SUCO: variants seen among roughly 807,000 people sequenced by gnomAD.
The protein encoded by SUCO is SUN domain-containing ossification factor.
SUCO carries 57 observed loss-of-function variants against 148.1 expected under a neutral mutation model. That is an observed-to-expected ratio of 0.38 (90% confidence interval 0.31 to 0.48). The LOEUF is 0.48. Among genes scored for constraint, SUCO ranks in the 20% least tolerant of loss-of-function variants. SUCO has a pLI of 0.96. For synonymous variants in SUCO, 470 were observed against 502.7 expected (o/e 0.93, Z 0.87); for missense variants, 1,331 against 1,468.2 (o/e 0.91, Z 1.53).
chr1:172,558,802 G>A (rs1256707388), intron 6 of SUCO, among the ~76,000 whole-genome samples: 3 of 152,124 alleles, frequency 2.0e-5, no homozygotes, highest in East Asian at 1.9e-4. Flanking sequence ...CATCTTTGAA[G>A]GTATTTATAA....
chr1:172,562,257 A>G (rs1259456462), intron 6 of SUCO, among the ~76,000 whole-genome samples: 2 of 152,150 alleles, frequency 1.3e-5, no homozygotes, highest in Non-Finnish European at 2.9e-5. Context: ...AAAAGAATAG[A>G]TTACAAGATT....
rs41264548 is a variant in SUCO, at chr1:172,589,450, C to A, written c.2349C>A (p.Ser783Arg). The A allele has an allele frequency of 6.2e-7, 1 of 1,611,956 alleles. No individual in the cohort carries two copies. The highest frequency in any genetic ancestry group is 8.5e-7 in the Non-Finnish European group (1 of 1,179,338). The change falls in exon 18 of 24, where the codon AGC becomes AGA. Residue 783 changes from serine to arginine, a missense_variant. Around this residue, in one of 3 missense-constraint regions of SUCO, gnomAD observed 992 missense variants for 1,093.5 expected, o/e 0.91. Transcript: ENST00000263688. Reference protein sequence around the residue: ...IDNETEQKSESFSSIEKPSIT... With the variant: ...IDNETEQKSERFSSIEKPSIT... ...ATGAAACAGAACAAAAGTCTGAGAGCTTTAGTTCTATAGAGAAACCATCTA... is the reference window on the plus strand; with the variant it reads ...ATGAAACAGAACAAAAGTCTGAGAGATTTAGTTCTATAGAGAAACCATCTA...
intron 15 of SUCO, 99 bp from the exon 16 acceptor site, chr1:172,584,919 T>C: frequency 1.4e-6 from 1 of 739,064 alleles, no homozygotes; most frequent in Admixed American, 3.2e-5. Context: ...AGTCAAAAAA[T>C]GCAAAAGATC....
At chr1:172,573,845 T>C (rs1655226222) in intron 9 of SUCO, 46 bp from the exon 10 acceptor site, 1 of 1,044,984 alleles carries the variant, frequency 9.6e-7, no homozygotes. Flanking sequence ...TAATATGAAC[T>C]GTTATTTTGA....
intron 9 of SUCO, among the ~76,000 whole-genome samples, chr1:172,572,398 A>G (rs949990939): frequency 6.6e-6 from 1 of 151,648 alleles, no homozygotes; most frequent in African/African-American, 2.4e-5. Context: ...CGGTGACCCT[A>G]CCCCCAACCC....
intron 19 of SUCO, among the ~76,000 whole-genome samples, chr1:172,596,027 T>A (rs1657070798): frequency 6.6e-6 from 1 of 152,222 alleles, no homozygotes; most frequent in Non-Finnish European, 1.5e-5. Context: ...TTTCGTTCAT[T>A]TGATCTTCAA....
chr1:172,608,570 T>C (rs1214438009), intron 22 of SUCO, 177 bp from the exon 23 acceptor site: 9 of 616,186 alleles, frequency 1.5e-5, no homozygotes, highest in Non-Finnish European at 2.6e-5. Context: ...CCTTGCCTCT[T>C]TTTGCTTACT....
chr1:172,536,679 T>C (rs1250717030), intron 1 of SUCO, among the ~76,000 whole-genome samples: 1 of 152,190 alleles, frequency 6.6e-6, no homozygotes, highest in Non-Finnish European at 1.5e-5. Flanking sequence ...ACACATTTAT[T>C]ACCTTACAAT....
Position 172,602,763 on chromosome 1 carries a change from T to C in SUCO, c.3241T>C (p.Ser1081Pro), listed in dbSNP as rs1657613494. 6.2e-7 allele frequency: 1 copy of C among 1,612,900 alleles called. No individual in the cohort carries two copies. Among genetic ancestry groups the C allele is most frequent in the Non-Finnish European group, 8.5e-7 (1 of 1,179,504 alleles). Residue 1081 changes from serine to proline, a missense_variant, in exon 22 of 24, where the codon TCT (serine) becomes CCT (proline). Coordinates refer to ENST00000263688, the MANE Select transcript of SUCO (RefSeq NM_014283.5). ...RTSFPLMRSK[S>P]LQLTGKEVDP... ...TTCATTCCCACTCATGAGATCCAAG[T>C]CTCTACAGTTAACTGGCAAAGAAGG...
intron 1 of SUCO, among the ~76,000 whole-genome samples, chr1:172,549,339 T>TTC (rs1284154967): frequency 6.6e-6 from 1 of 151,832 alleles, no homozygotes; most frequent in Non-Finnish European, 1.5e-5. Context: ...TGCAGACTCC[T>TTC]TCTTTGCAAT....
chr1:172,573,979 C>G lies in SUCO; in HGVS notation c.1138C>G (p.Leu380Val), dbSNP rs779394105. 6.3e-7 allele frequency: 1 copy of G among 1,580,854 alleles called. No homozygotes were observed. The highest frequency in any genetic ancestry group is 1.1e-5 in the South Asian group (1 of 89,700). ...ATTTTCTTCTACTCCTAAAGATTTT[C>G]TGGTTTCTATCAGTGACAGGTAAAT... ...ELFSSTPKDF[L>V]VSISDRYPTN... is the part of the protein sequence containing the mutation. Residue 380 changes from leucine (L) to valine (V), a missense_variant, in exon 10 of 24, where the codon CTG (leucine) becomes GTG (valine). By Grantham distance (32) the Leu-to-Val change is conservative. This residue lies in a region of SUCO where 992 missense variants were observed against 1,093.5 expected (regional missense o/e 0.91). Transcript: ENST00000263688.
intron 1 of SUCO, among the ~76,000 whole-genome samples, chr1:172,533,719 G>GA (rs1491312590): frequency 1.3e-5 from 2 of 152,148 alleles, no homozygotes; most frequent in Non-Finnish European, 2.9e-5. Context: ...GACTCAGTGG[G>GA]AGAGAGAGAG....
chr1:172,568,630 T>C (rs1402050942), intron 6 of SUCO, among the ~76,000 whole-genome samples: 8 of 152,192 alleles, frequency 5.3e-5, no homozygotes, highest in Admixed American at 5.2e-4. Flanking sequence ...TATTAAAACA[T>C]CTAAAATTAT....
intron 17 of SUCO, 93 bp downstream of exon 17, chr1:172,586,041 A>G: frequency 2.5e-6 from 2 of 792,848 alleles, no homozygotes; most frequent in Non-Finnish European, 4.0e-6. Flanking sequence ...TGTGTGTGAA[A>G]TGATTACCTG....
chr1:172,594,161 C>A (rs575409989), intron 19 of SUCO, among the ~76,000 whole-genome samples: 2 of 151,550 alleles, frequency 1.3e-5, no homozygotes, highest in South Asian at 4.1e-4. Context: ...TTTTTCTTCT[C>A]TCTTTTCTTC....
At position 172,610,513 on chromosome 1, in the gene SUCO, TACTGGGA is replaced by T. The variant is rs1658151673; in HGVS notation, c.*255_*261del. 3.2e-5 allele frequency: 12 copies of T among 377,352 alleles called. No homozygotes were observed. The South Asian group carries it at 8.2e-4, about 26-fold the overall frequency. 23.4% of individuals were successfully genotyped at this position (377,352 alleles called of 1,614,324 possible). On this transcript the variant is annotated 3_prime_UTR_variant, in exon 24 of 24. Transcript: ENST00000263688. ...AAAGATGTTTTTTCACAAGATTAAT[TACTGGGA>T]CAAAAGTAATTTGGAAGCCCAGTTC... is the stretch of plus-strand genomic sequence containing the variant.
At chr1:172,595,564 G>A (rs935479598) in intron 19 of SUCO, among the ~76,000 whole-genome samples, 3 of 152,094 alleles carry the variant, frequency 2.0e-5, no homozygotes, top group African/African-American at 7.2e-5. Context: ...ATGAAGTTCT[G>A]GGTTGAAAAT....
intron 12 of SUCO, 30 bp from the exon 13 acceptor site, chr1:172,577,734 C>G: frequency 6.2e-7 from 1 of 1,605,820 alleles, no homozygotes. Context: ...TCTCTGCTGG[C>G]TTCCCATTTT....
At chr1:172,580,831 GC>G (rs1196349429) in intron 15 of SUCO, among the ~76,000 whole-genome samples, 1 of 152,186 alleles carries the variant, frequency 6.6e-6, no homozygotes, top group Non-Finnish European at 1.5e-5. Flanking sequence ...GCCAGGCACA[GC>G]GGCTCATGCT....
Sources: allele counts gnomAD v4.1 joint callset (sites outside exome capture counted in the v4.1 genomes callset), GRCh38; gene constraint gnomAD v4.1.1; regional missense constraint gnomAD v4.1.1; transcripts MANE v1.5; gene names NCBI Gene and HGNC (gene_info 2026-07-23, HGNC 2026-07-21).